The following ARAP2 variants were observed in gnomAD, a reference collection of about 807,000 sequenced individuals.
ARAP2 encodes ArfGAP with RhoGAP domain, ankyrin repeat and PH domain 2, also known as arf-GAP with Rho-GAP domain, ANK repeat and PH domain-containing protein 2.
Under a neutral mutation model 194.5 loss-of-function variants are expected in ARAP2, and 148 were observed. The ratio of observed to expected loss-of-function variants is 0.76; its 90% CI spans 0.67 to 0.87. ARAP2 has a LOEUF of 0.87. Ranked by LOEUF, ARAP2 falls within the 40% of genes least tolerant of loss-of-function variation. The probability of loss-of-function intolerance (pLI) is 0.00; values close to 1 mark genes in which losing one functional copy is unlikely to be tolerated. For missense variants in ARAP2, 2,128 were observed against 1,989.7 expected (o/e 1.07, Z -1.32); for synonymous variants, 695 against 683.5 (o/e 1.02, Z -0.26).
rs367618132 is a variant in ARAP2 at position 36,124,845 on chromosome 4, T to C, written c.3746+17A>G. 147 of 1,520,432 alleles carry C rather than the reference T, an allele frequency of 9.7e-5. No individual in the cohort carries two copies. The African/African-American group carries it at 1.9e-3, about 19-fold the overall frequency. The allele number at this position is 1,520,432 out of a possible 1,614,324, so 94.2% of individuals were successfully genotyped here. A position where few individuals can be genotyped will look rare whatever the true frequency, so the allele number is the denominator to read the frequency against. On this transcript the variant is annotated intron_variant, in intron 22 of 32. Transcript: ENST00000303965. ...GCTGTGTTTGAAATGTCGAGAAAAG[T>C]TCATTCATCTACCCACCTATACAGG... is the stretch of plus-strand genomic sequence containing the variant.
intron 19 of ARAP2, among the ~76,000 whole-genome samples, chr4:36,143,532 A>T (rs1215097720): frequency 6.6e-6 from 1 of 151,746 alleles, no homozygotes. Context: ...CCTCAATACC[A>T]TATAGGCAAA....
Position 36,213,300 on chromosome 4 carries a change from T to A in ARAP2, c.984A>T (p.Ser328=), listed in dbSNP as rs764821911. 6.2e-7 allele frequency: 1 copy of A among 1,607,366 alleles called. No homozygotes were observed. Among genetic ancestry groups the A allele is most frequent in the Non-Finnish European group, 8.5e-7 (1 of 1,174,370 alleles). ...VAWQNSNEEN[S]SSIFPYGETF... is the part of the protein sequence containing the mutation. ...TCTCTCCATAAGGAAAGATGGAAGA[T>A]GAATTCTCCTCATTTGAATCTTTTA... Residue 328 remains serine (S), a synonymous_variant, in exon 4 of 33, where the codon TCA becomes TCT. Transcript: ENST00000303965.
intron 3 of ARAP2, among the ~76,000 whole-genome samples, chr4:36,213,988 C>T (rs1051825944): frequency 3.9e-5 from 6 of 152,124 alleles, no homozygotes; most frequent in Non-Finnish European, 8.8e-5. Context: ...TGTTCCCAAA[C>T]TTGTATAATC....
chr4:36,190,962 C>T (rs1202691780), intron 7 of ARAP2, among the ~76,000 whole-genome samples: 1 of 152,182 alleles, frequency 6.6e-6, no homozygotes, highest in East Asian at 1.9e-4. Flanking sequence ...CCAATAAGTG[C>T]TCTAGAAATT....
intron 5 of ARAP2, among the ~76,000 whole-genome samples, chr4:36,025,192 C>T (rs1717692564): frequency 6.6e-6 from 1 of 152,136 alleles, no homozygotes; most frequent in African/African-American, 2.4e-5. Context: ...ATGAGTTACA[C>T]TTTAAGAAGT....
chr4:36,173,874 T>C (rs1381230366), intron 9 of ARAP2, among the ~76,000 whole-genome samples: 1 of 152,240 alleles, frequency 6.6e-6, no homozygotes. Flanking sequence ...AAGGTTATAA[T>C]GTAACTGGAT....
chr4:36,156,487 GAAA>G (rs1380005651), intron 15 of ARAP2, among the ~76,000 whole-genome samples: 1 of 123,178 alleles, frequency 8.1e-6, no homozygotes, highest in Non-Finnish European at 1.7e-5. Flanking sequence ...AAGAAAGAAA[GAAA>G]AAGGAAGGAA....
intron 5 of ARAP2, among the ~76,000 whole-genome samples, chr4:36,031,666 C>CT (rs67436021): frequency 0.79 from 115,643 of 146,252 alleles, 46,785 homozygotes; most frequent in Admixed American, 0.88. Flanking sequence ...GATTTAAAAT[C>CT]TTTTTTTTTT....
chr4:36,167,143 A>T (rs1332877939), intron 9 of ARAP2, 96 bp from the exon 10 acceptor site: 1 of 747,414 alleles, frequency 1.3e-6, no homozygotes, highest in Non-Finnish European at 2.1e-6. Flanking sequence ...ATTCTACCAA[A>T]TTTTACAACA....
intron 3 of ARAP2, among the ~76,000 whole-genome samples, chr4:36,213,975 G>C (rs1254653750): frequency 2.0e-5 from 3 of 152,102 alleles, no homozygotes; most frequent in Admixed American, 2.0e-4. Flanking sequence ...TTGTCAAAAA[G>C]AATGTTCCCA....
At chr4:36,131,208 C>T (rs1207714480) in intron 20 of ARAP2, among the ~76,000 whole-genome samples, 1 of 151,422 alleles carries the variant, frequency 6.6e-6, no homozygotes, top group Non-Finnish European at 1.5e-5. Flanking sequence ...TGAGGTTTCC[C>T]CAACGTTCTG....
chr4:36,177,709 A>C (rs972208074), intron 9 of ARAP2, 118 bp downstream of exon 9: 1 of 971,628 alleles, frequency 1.0e-6, no homozygotes, highest in Non-Finnish European at 1.4e-6. Flanking sequence ...TATTTAGTGG[A>C]GTACACAATG....
At chr4:36,241,390 C>T (rs1400687753) in intron 1 of ARAP2, among the ~76,000 whole-genome samples, 3 of 152,156 alleles carry the variant, frequency 2.0e-5, no homozygotes, top group Non-Finnish European at 4.4e-5. Flanking sequence ...TCCTACCTTA[C>T]TGGACCATTT....
intron 5 of ARAP2, among the ~76,000 whole-genome samples, chr4:36,042,031 G>A (rs181781141): frequency 2.2e-4 from 34 of 152,248 alleles, no homozygotes; most frequent in African/African-American, 6.5e-4. Context: ...TGAGGGGAGA[G>A]GGTGGGAGAA....
intron 3 of ARAP2, 43 bp from the exon 4 acceptor site, chr4:36,213,362 A>G: frequency 7.4e-7 from 1 of 1,357,908 alleles, no homozygotes; most frequent in Middle Eastern, 1.9e-4. Context: ...GATGTGAATA[A>G]TGTGAAATAC....
At chr4:36,076,670 C>T (rs1163039874) in intron 31 of ARAP2, among the ~76,000 whole-genome samples, 4 of 151,966 alleles carry the variant, frequency 2.6e-5, no homozygotes, top group Admixed American at 2.6e-4. Flanking sequence ...ACCTTCTCCC[C>T]CAGGCATCTC....
chr4:36,160,694 GA>G lies in ARAP2; in HGVS notation c.2260-54del. 3.9e-6 allele frequency: 5 copies of G among 1,281,664 alleles called. No individual in the cohort carries two copies. In the African/African-American group the frequency reaches 6.3e-5, roughly 16 times the overall value. The allele number at this position is 1,281,664 out of a possible 1,614,324, so 79.4% of individuals were successfully genotyped here. A position where few individuals can be genotyped will look rare whatever the true frequency, so the allele number is the denominator to read the frequency against. Reference sequence around the variant, plus strand: ...ATATATCAGTTCATAAAATATATTTGAATCTGCAGGAAACTGAATTATATTA... The same window carrying G: ...ATATATCAGTTCATAAAATATATTTGATCTGCAGGAAACTGAATTATATTA... On this transcript the variant is annotated intron_variant, in intron 12 of 32. Transcript: ENST00000303965.
At chr4:36,161,319 G>T in intron 12 of ARAP2, 146 bp downstream of exon 12, 1 of 611,372 alleles carries the variant, frequency 1.6e-6, no homozygotes, top group South Asian at 2.0e-5. Flanking sequence ...TATCAAAAAG[G>T]CTATAAGCCA....
At chr4:36,141,054 T>A (rs1290940975) in intron 19 of ARAP2, among the ~76,000 whole-genome samples, 1 of 151,624 alleles carries the variant, frequency 6.6e-6, no homozygotes, top group Non-Finnish European at 1.5e-5. Flanking sequence ...AACTTATTTC[T>A]TAGAAAAAGA....
Sources: gnomAD v4.1 joint callset for allele counts (sites outside exome capture counted in the v4.1 genomes callset) on GRCh38, gnomAD v4.1.1 for gene constraint, MANE v1.5 for transcripts, NCBI Gene and HGNC (gene_info 2026-07-23, HGNC 2026-07-21) for gene names.